NCAM2: variants seen among roughly 807,000 people sequenced by gnomAD.
NCAM2 encodes the protein neural cell adhesion molecule 2.
Under a neutral mutation model 98.1 loss-of-function variants are expected in NCAM2, and 30 were observed. That is an observed-to-expected ratio of 0.31 (90% CI 0.23 to 0.41). NCAM2 has a LOEUF of 0.41. Ranked by LOEUF, NCAM2 falls within the 10% of genes least tolerant of loss-of-function variation. The pLI is 1.00. For missense variants in NCAM2, 867 were observed against 1,005.8 expected (o/e 0.86, Z 1.87); for synonymous variants, 368 against 342.4 (o/e 1.07, Z -0.83).
intron 1 of NCAM2, among the ~76,000 whole-genome samples, chr21:21,005,515 G>T (rs1416517325): frequency 6.6e-6 from 1 of 151,852 alleles, no homozygotes; most frequent in South Asian, 2.1e-4. Context: ...AGATAAAAAT[G>T]TCAATAAATT....
intron 5 of NCAM2, among the ~76,000 whole-genome samples, chr21:21,307,062 G>C (rs555597097): frequency 3.2e-4 from 1 of 3,104 alleles, no homozygotes; most frequent in East Asian, 9.1e-3. Context: ...GATGTGTACA[G>C]TTGTGGTTTT....
intron 1 of NCAM2, among the ~76,000 whole-genome samples, chr21:21,196,567 T>G (rs536503488): frequency 1.3e-5 from 2 of 152,204 alleles, no homozygotes; most frequent in African/African-American, 4.8e-5. Context: ...AAATGTATAG[T>G]CTAGGCCCTA....
intron 9 of NCAM2, among the ~76,000 whole-genome samples, chr21:21,391,366 A>T (rs893000994): frequency 6.6e-6 from 1 of 152,162 alleles, no homozygotes; most frequent in South Asian, 2.1e-4. Flanking sequence ...TTAACATACA[A>T]CTTAATGTGC....
chr21:21,447,755 AAAG>A (rs569655706), intron 12 of NCAM2, among the ~76,000 whole-genome samples: 266 of 152,304 alleles, frequency 1.7e-3, no homozygotes, highest in African/African-American at 6.1e-3. Context: ...GACACTTCCC[AAAG>A]AAGACATTTA....
At chr21:21,535,755 C>T (rs1989947897) in intron 17 of NCAM2, among the ~76,000 whole-genome samples, 1 of 151,918 alleles carries the variant, frequency 6.6e-6, no homozygotes, top group Non-Finnish European at 1.5e-5. Flanking sequence ...AGAATATGCT[C>T]TTGGACCAGG....
rs75818757 is a variant in NCAM2, at chr21:21,363,102, G to T, written c.1045-10761G>T. On this transcript the variant is annotated intron_variant, in intron 8 of 17. Transcript: ENST00000400546. ...ATATGAATAAATAGATGTAATTTTT[G>T]ATTGATTAGTGAATAATTTGTTTAT... Among the ~76,000 whole-genome samples, 1,156 of 152,168 alleles carry T rather than the reference G, an allele frequency of 7.6e-3. 18 individuals are homozygous for T. Among genetic ancestry groups the T allele is most frequent in the African/African-American group, 0.026 (1,083 of 41,522 alleles).
intron 1 of NCAM2, among the ~76,000 whole-genome samples, chr21:21,251,177 T>C (rs544989999): frequency 6.6e-6 from 1 of 152,328 alleles, no homozygotes; most frequent in East Asian, 1.9e-4. Flanking sequence ...TATTATACTT[T>C]AAGTTCCAGG....
At chr21:21,193,615 C>T (rs2068901638) in intron 1 of NCAM2, among the ~76,000 whole-genome samples, 1 of 151,280 alleles carries the variant, frequency 6.6e-6, no homozygotes, top group Non-Finnish European at 1.5e-5. Context: ...CCTGCCTCAG[C>T]CTCCCGAGTA....
chr21:21,344,532 G>A (rs2075135621), intron 8 of NCAM2, among the ~76,000 whole-genome samples: 1 of 152,092 alleles, frequency 6.6e-6, no homozygotes, highest in Admixed American at 6.5e-5. Flanking sequence ...ACAGGGTGAG[G>A]CTCCTCTGCC....
chr21:21,157,906 T>G (rs982164109), intron 1 of NCAM2, among the ~76,000 whole-genome samples: 6 of 152,198 alleles, frequency 3.9e-5, no homozygotes, highest in African/African-American at 1.4e-4. Flanking sequence ...AGCCTAGTTA[T>G]GCTTCTCATT....
intron 13 of NCAM2, among the ~76,000 whole-genome samples, chr21:21,467,318 TAATA>T (rs1983809652): frequency 6.6e-6 from 1 of 150,518 alleles, no homozygotes; most frequent in Admixed American, 6.7e-5. Context: ...TGAGAAAACA[TAATA>T]AATACGACTG....
At chr21:21,068,661 T>C (rs1367543041) in intron 1 of NCAM2, among the ~76,000 whole-genome samples, 2 of 152,110 alleles carry the variant, frequency 1.3e-5, no homozygotes, top group African/African-American at 4.8e-5. Context: ...GGTTTCACCA[T>C]GTTGGTCAGG....
chr21:21,116,506 G>A (rs2066562321), intron 1 of NCAM2, among the ~76,000 whole-genome samples: 1 of 152,124 alleles, frequency 6.6e-6, no homozygotes, highest in African/African-American at 2.4e-5. Flanking sequence ...TACCAGTTAG[G>A]CGGGCTATCT....
intron 9 of NCAM2, among the ~76,000 whole-genome samples, chr21:21,392,042 A>T (rs1164222099): frequency 6.6e-6 from 1 of 152,138 alleles, no homozygotes; most frequent in Non-Finnish European, 1.5e-5. Flanking sequence ...AGATTATTTC[A>T]TCACCCAGGT....
intron 1 of NCAM2, among the ~76,000 whole-genome samples, chr21:21,279,198 A>C (rs1351981594): frequency 6.6e-6 from 1 of 152,170 alleles, no homozygotes; most frequent in Admixed American, 6.6e-5. Context: ...CAAACATGGG[A>C]TATGGCAAAA....
intron 15 of NCAM2, among the ~76,000 whole-genome samples, chr21:21,499,637 G>A (rs1319531856): frequency 6.6e-6 from 1 of 152,026 alleles, no homozygotes; most frequent in African/African-American, 2.4e-5. Flanking sequence ...AAAAAATACT[G>A]CTATAAGCAA....
At chr21:21,385,833 AG>A in intron 9 of NCAM2, 1 of 166,944 alleles carries the variant, frequency 6.0e-6, no homozygotes, top group Non-Finnish European at 1.2e-5. Context: ...ACTATTAATT[AG>A]ACTTAATTAT....
intron 16 of NCAM2, among the ~76,000 whole-genome samples, chr21:21,527,402 T>G (rs527895674): frequency 3.9e-5 from 6 of 152,220 alleles, no homozygotes; most frequent in African/African-American, 1.4e-4. Flanking sequence ...AAGACATTGT[T>G]AAGTGAATGA....
intron 1 of NCAM2, among the ~76,000 whole-genome samples, chr21:21,046,051 G>A (rs894609227): frequency 1.3e-5 from 2 of 152,120 alleles, no homozygotes; most frequent in Non-Finnish European, 2.9e-5. Flanking sequence ...CTAGTAAAAG[G>A]CTTATGATCA....
Sources: gnomAD v4.1 joint callset for allele counts (sites outside exome capture counted in the v4.1 genomes callset) on GRCh38, gnomAD v4.1.1 for gene constraint, MANE v1.5 for transcripts, NCBI Gene and HGNC (gene_info 2026-07-23, HGNC 2026-07-21) for gene names.